ZMYND11: variants seen among roughly 807,000 people sequenced by gnomAD.
ZMYND11 encodes zinc finger MYND domain-containing protein 11.
In ZMYND11, 9 loss-of-function variants were observed where a neutral mutation model predicts 84.9. The ratio of observed to expected loss-of-function variants is 0.11; its 90% CI spans 0.06 to 0.18. The LOEUF (loss-of-function observed/expected upper bound fraction) is 0.18, where lower values mean the gene tolerates loss of function less well. Ranked by LOEUF, ZMYND11 falls within the 10% of genes least tolerant of loss-of-function variation. The pLI is 1.00. For missense variants in ZMYND11, 409 were observed against 761.0 expected (o/e 0.54, Z 5.44); for synonymous variants, 250 against 244.1 (o/e 1.02, Z -0.23).
intron 2 of ZMYND11, among the ~76,000 whole-genome samples, chr10:183,419 C>G (rs1486439475): frequency 6.6e-6 from 1 of 152,038 alleles, no homozygotes; most frequent in Non-Finnish European, 1.5e-5. Flanking sequence ...GTGGTATGTT[C>G]TACCATCAGG....
chr10:242,197 G>T (rs1564450865), intron 10 of ZMYND11, 58 bp downstream of exon 10: 1 of 1,570,478 alleles, frequency 6.4e-7, no homozygotes, highest in Non-Finnish European at 8.6e-7. Context: ...CCTTAAGAAA[G>T]TTTGATGATT....
intron 1 of ZMYND11, among the ~76,000 whole-genome samples, chr10:139,582 A>G (rs921560573): frequency 3.3e-5 from 5 of 152,114 alleles, no homozygotes; most frequent in African/African-American, 1.2e-4. Context: ...TAGTAGCTAC[A>G]ATTTTATAAC....
Position 200,205 on chromosome 10 carries a change from G to GGTGTGTGTGTGTGTGTGTGTGTGT in ZMYND11, c.117-9664_117-9663insGTGTGTGTGTGTGTGTGTGTGTGT, listed in dbSNP as rs71374347. Among the ~76,000 whole-genome samples the GGTGTGTGTGTGTGTGTGTGTGTGT allele has an allele frequency of 8.2e-3, 1,083 of 132,376 alleles. 18 individuals are homozygous for GGTGTGTGTGTGTGTGTGTGTGTGT. Among genetic ancestry groups the GGTGTGTGTGTGTGTGTGTGTGTGT allele is most frequent in the East Asian group, 0.025 (120 of 4,792 alleles). The allele number at this position is 132,376 out of a possible 152,430, so 86.8% of individuals were successfully genotyped here. A position where few individuals can be genotyped will look rare whatever the true frequency, so the allele number is the denominator to read the frequency against. ...GACATGTGCTGCCATGCCTGGCTAG[G>GGTGTGTGTGTGTGTGTGTGTGTGT]GTGTGTGTGTGTGTGTGTGTATAAT... On this transcript the variant is annotated intron_variant, in intron 2 of 14. Coordinates refer to ENST00000381604, the MANE Select transcript of ZMYND11 (RefSeq NM_001370100.5).
At chr10:180,218 C>A in intron 2 of ZMYND11, 90 bp downstream of exon 2, 3 of 885,938 alleles carry the variant, frequency 3.4e-6, no homozygotes, top group South Asian at 1.6e-5. Context: ...TTATGCTAAT[C>A]AACATATATT....
At chr10:209,022 T>C (rs759824033) in intron 2 of ZMYND11, among the ~76,000 whole-genome samples, 7 of 151,904 alleles carry the variant, frequency 4.6e-5, no homozygotes, top group Non-Finnish European at 7.4e-5. Flanking sequence ...TGTGTGTGTA[T>C]ATATATATGT....
At chr10:153,535 T>C (rs1840932072) in intron 1 of ZMYND11, among the ~76,000 whole-genome samples, 1 of 152,270 alleles carries the variant, frequency 6.6e-6, no homozygotes, top group Non-Finnish European at 1.5e-5. Context: ...ATTTACCTCT[T>C]TTATTGGCAT....
At chr10:247,576 G>A in intron 12 of ZMYND11, 110 bp downstream of exon 12, 2 of 1,179,080 alleles carry the variant, frequency 1.7e-6, no homozygotes, top group Non-Finnish European at 2.4e-6. Flanking sequence ...GTGGATACTT[G>A]TGAAATTCAG....
At chr10:176,641 T>C (rs1292313200) in intron 1 of ZMYND11, among the ~76,000 whole-genome samples, 1 of 152,192 alleles carries the variant, frequency 6.6e-6, no homozygotes. Flanking sequence ...CAAAATACTT[T>C]TGTACAAAAG....
upstream of ZMYND11, among the ~76,000 whole-genome samples, chr10:132,865 G>C (rs1444956234): frequency 6.6e-6 from 1 of 152,140 alleles, no homozygotes; most frequent in East Asian, 1.9e-4. Flanking sequence ...AGAAGCCCCA[G>C]GGCTCAGTGG....
intron 14 of ZMYND11, among the ~76,000 whole-genome samples, chr10:250,195 C>T (rs911167962): frequency 6.6e-6 from 1 of 152,250 alleles, no homozygotes; most frequent in African/African-American, 2.4e-5. Context: ...CTGCAGCCAA[C>T]ATTTTGTGTT....
At chr10:148,517 C>T (rs1239629046) in intron 1 of ZMYND11, 1 of 152,312 alleles carries the variant, frequency 6.6e-6, no homozygotes, top group Non-Finnish European at 1.5e-5. Context: ...CCAATATTTG[C>T]ATTCACTCCT....
At chr10:172,580 G>A (rs1320687054) in intron 1 of ZMYND11, among the ~76,000 whole-genome samples, 1 of 152,138 alleles carries the variant, frequency 6.6e-6, no homozygotes, top group Non-Finnish European at 1.5e-5. Flanking sequence ...AGACTGCAGA[G>A]CTCTGATGAT....
At chr10:177,336 G>T (rs782145901) in intron 1 of ZMYND11, among the ~76,000 whole-genome samples, 1 of 152,056 alleles carries the variant, frequency 6.6e-6, no homozygotes, top group African/African-American at 2.4e-5. Flanking sequence ...TTTTTGCAAT[G>T]TTCTACGTGG....
At chr10:134,943 CG>C (rs1835534814), upstream of ZMYND11, 1 of 149,722 alleles carries the variant, frequency 6.7e-6, no homozygotes, top group African/African-American at 2.4e-5. Flanking sequence ...GGCCGCGAGC[CG>C]GGCCGGCCGC....
chr10:232,709 C>G (rs1564426583), intron 4 of ZMYND11, among the ~76,000 whole-genome samples: 1 of 152,168 alleles, frequency 6.6e-6, no homozygotes, highest in East Asian at 1.9e-4. Context: ...AAGCTTTCAA[C>G]AAAATAATCT....
intron 6 of ZMYND11, among the ~76,000 whole-genome samples, chr10:237,976 A>G (rs117520734): frequency 1.3e-5 from 2 of 152,320 alleles, no homozygotes; most frequent in South Asian, 2.1e-4. Flanking sequence ...AGCCTGGGCA[A>G]TTTAGCATTT....
chr10:135,678 T>C lies in ZMYND11; in HGVS notation c.-20+119T>C, dbSNP rs1309774287. The C allele has an allele frequency of 1.4e-5, 2 of 146,636 alleles. No homozygotes were observed. The highest frequency in any genetic ancestry group is 6.7e-5 in the Admixed American group (1 of 14,826). 9.1% of individuals were successfully genotyped at this position (146,636 alleles called of 1,614,324 possible). ...CTGGGGCGGCGGCGGCACCAGTGGG[T>C]GCTGACGGTCGCTCGCCCGCTCGCG... On this transcript the variant is annotated intron_variant, in intron 1 of 14. Coordinates refer to ENST00000381604, the MANE Select transcript of ZMYND11 (RefSeq NM_001370100.5). The surrounding 1 kb of genome is among the most constrained non-coding windows in gnomAD (Gnocchi z 5.6).
At chr10:143,896 T>A (rs1326615165) in intron 1 of ZMYND11, among the ~76,000 whole-genome samples, 1 of 151,770 alleles carries the variant, frequency 6.6e-6, no homozygotes, top group Non-Finnish European at 1.5e-5. Flanking sequence ...CACAACACTT[T>A]GGGAGGCCGA....
At chr10:140,854 A>G (rs1837339362) in intron 1 of ZMYND11, among the ~76,000 whole-genome samples, 1 of 152,230 alleles carries the variant, frequency 6.6e-6, no homozygotes, top group African/African-American at 2.4e-5. Context: ...TAATGTTGGT[A>G]ACATCTGCAA....
Sources: gnomAD v4.1 joint callset for allele counts (sites outside exome capture counted in the v4.1 genomes callset) on GRCh38, gnomAD v4.1.1 for gene constraint, Gnocchi (gnomAD v3.1) non-coding constraint, MANE v1.5 for transcripts, NCBI Gene and HGNC (gene_info 2026-07-23, HGNC 2026-07-21) for gene names.